The following MAD1L1 variants were observed in gnomAD, a reference collection of about 807,000 sequenced individuals.
MAD1L1 encodes mitotic spindle assembly checkpoint protein MAD1.
A neutral mutation model predicts 96.9 loss-of-function variants in MAD1L1; 95 were observed. That is an observed-to-expected ratio of 0.98 (90% CI 0.83 to 1.16). The LOEUF is 1.16. Ranked by LOEUF, MAD1L1 falls within the 50% of genes most tolerant of loss-of-function variation. MAD1L1 has a pLI of 0.00. For missense variants in MAD1L1, 1,007 were observed against 954.4 expected, an observed-to-expected ratio of 1.06 and a Z score of -0.73; for synonymous variants, 473 against 396.6, an observed-to-expected ratio of 1.19 and a Z score of -2.29.
At chr7:2,164,136 G>A (rs191219415) in intron 10 of MAD1L1, among the ~76,000 whole-genome samples, 30 of 152,296 alleles carry the variant, frequency 2.0e-4, no homozygotes, top group African/African-American at 6.5e-4. Flanking sequence ...TAGGTTACTT[G>A]TATAACGAAC....
At chr7:1,985,788 TGCCCCCTAC>T (rs1781112318) in intron 14 of MAD1L1, among the ~76,000 whole-genome samples, 2 of 1,268 alleles carry the variant, frequency 1.6e-3, no homozygotes, top group Non-Finnish European at 5.7e-3. Context: ...CTTCCTGTAC[TGCCCCCTAC>T]TGCCCCCTCT....
rs138736553 is a variant in MAD1L1 at position 1,883,375 on chromosome 7, G to A, written c.1998+14825C>T. 1.3e-4 allele frequency among the ~76,000 whole-genome samples: 20 copies of A among 152,256 alleles called. No individual in the cohort carries two copies. In the East Asian group the frequency reaches 3.7e-3, roughly 28 times the overall value. The stretch of plus-strand genomic sequence containing the variant: ...TAACACCAAACTGTGACTCACAAAC[G>A]GCCCCGGGGATGAGCTCCCTTTCCA... On this transcript the variant is annotated intron_variant, in intron 18 of 18. Coordinates refer to ENST00000265854, the MANE Select transcript of MAD1L1 (RefSeq NM_001013836.2).
chr7:1,887,320 T>C (rs1465465283), intron 18 of MAD1L1, among the ~76,000 whole-genome samples: 6 of 151,942 alleles, frequency 3.9e-5, no homozygotes, highest in South Asian at 2.1e-4. Flanking sequence ...TGTGCATGCA[T>C]GCGCATGCGT....
chr7:2,042,232 C>T (rs910911475), intron 12 of MAD1L1, among the ~76,000 whole-genome samples: 3 of 147,838 alleles, frequency 2.0e-5, no homozygotes, highest in Non-Finnish European at 4.5e-5. Context: ...CACACACAAG[C>T]GCATGCGCAC....
chr7:1,969,099 G>C (rs1780297958), intron 15 of MAD1L1, among the ~76,000 whole-genome samples: 1 of 152,134 alleles, frequency 6.6e-6, no homozygotes, highest in African/African-American at 2.4e-5. Flanking sequence ...AAAATCGACT[G>C]TTGGCCAGGT....
At chr7:2,216,042 A>G (rs1239319936) in intron 8 of MAD1L1, 43 bp from the exon 9 acceptor site, 2 of 1,612,072 alleles carry the variant, frequency 1.2e-6, no homozygotes, top group Admixed American at 3.3e-5. Context: ...CACACACCCT[A>G]GGGATAAGGC....
rs555640440 is a variant in MAD1L1 at position 1,917,659 on chromosome 7, G to A, written c.1807+19028C>T. Among the ~76,000 whole-genome samples, 81 of 152,342 alleles carry A rather than the reference G, an allele frequency of 5.3e-4. 1 individual carries two copies. In the South Asian group the frequency reaches 7.9e-3, roughly 15 times the overall value. On this transcript the variant is annotated intron_variant, in intron 17 of 18. Coordinates refer to ENST00000265854, the MANE Select transcript of MAD1L1 (RefSeq NM_001013836.2). ...AGAAAGAGGAGAGAAGAAGGGTGTC[G>A]CGGCGACGGAGCTGCTTGCCACGGC...
At chr7:1,849,148 GCACA>G (rs375598850) in intron 18 of MAD1L1, 1 of 88,368 alleles carries the variant, frequency 1.1e-5, no homozygotes, top group Non-Finnish European at 2.4e-5. Flanking sequence ...GTACACACAT[GCACA>G]CACACACACG....
At chr7:1,894,240 G>T (rs972903042) in intron 18 of MAD1L1, among the ~76,000 whole-genome samples, 1 of 152,212 alleles carries the variant, frequency 6.6e-6, no homozygotes, top group South Asian at 2.1e-4. Context: ...CCAAGGGGGA[G>T]GATTTCTCAG....
chr7:1,913,869 G>A (rs1210073516), intron 17 of MAD1L1, among the ~76,000 whole-genome samples: 3 of 152,140 alleles, frequency 2.0e-5, no homozygotes, highest in Non-Finnish European at 4.4e-5. Flanking sequence ...TGCAGGAAAC[G>A]CCACAGACTC....
chr7:1,845,048 G>T (rs1040350619), intron 18 of MAD1L1, among the ~76,000 whole-genome samples: 1 of 152,224 alleles, frequency 6.6e-6, no homozygotes, highest in African/African-American at 2.4e-5. Context: ...TGCAGCCAAG[G>T]CCCCACCTGG....
chr7:2,010,854 A>T (rs934529191), intron 13 of MAD1L1, among the ~76,000 whole-genome samples: 1 of 152,146 alleles, frequency 6.6e-6, no homozygotes, highest in Admixed American at 6.5e-5. Flanking sequence ...GCAAGCTTCC[A>T]GGGAAGGCTT....
At chr7:2,043,073 T>G (rs1291965778) in intron 12 of MAD1L1, among the ~76,000 whole-genome samples, 1 of 152,172 alleles carries the variant, frequency 6.6e-6, no homozygotes, top group Admixed American at 6.5e-5. Context: ...ATCTCTTTAT[T>G]TATAAAATTG....
intron 11 of MAD1L1, among the ~76,000 whole-genome samples, chr7:2,094,339 C>T (rs1305043559): frequency 3.3e-5 from 5 of 152,222 alleles, no homozygotes; most frequent in Admixed American, 3.3e-4. Context: ...CACTCACCCA[C>T]ACTCTCGACA....
intron 13 of MAD1L1, among the ~76,000 whole-genome samples, chr7:2,007,745 A>G (rs1782099183): frequency 1.3e-5 from 2 of 152,128 alleles, no homozygotes; most frequent in South Asian, 4.2e-4. Flanking sequence ...AGGAATGAAA[A>G]CCTGCATTCA....
At position 2,058,630 on chromosome 7, in the gene MAD1L1, G is replaced by A. The variant is rs867973254; in HGVS notation, c.1218+10564C>T. Among the ~76,000 whole-genome samples the A allele has an allele frequency of 1.5e-3, 78 of 53,112 alleles. 1 individual carries two copies. Among genetic ancestry groups the A allele is most frequent in the Non-Finnish European group, 2.3e-3 (62 of 27,356 alleles). The allele number at this position is 53,112 out of a possible 152,430, so 34.8% of individuals were successfully genotyped here. The stretch of plus-strand genomic sequence containing the variant: ...GGGGCTAGAGTGGGAGTGTGGCCAG[G>A]GGAGAGGCGCAGGGCTGGAGAGGGA... On this transcript the variant is annotated intron_variant, in intron 12 of 18. Coordinates refer to ENST00000265854, the MANE Select transcript of MAD1L1 (RefSeq NM_001013836.2).
intron 13 of MAD1L1, among the ~76,000 whole-genome samples, chr7:2,005,629 T>C (rs1395424892): frequency 6.6e-5 from 10 of 152,048 alleles, no homozygotes; most frequent in African/African-American, 2.4e-4. Context: ...ACAGAGATCC[T>C]GTTTCTATAA....
At chr7:2,073,427 G>A (rs13227446) in intron 11 of MAD1L1, among the ~76,000 whole-genome samples, 28,067 of 152,156 alleles carry the variant, frequency 0.18, 3,030 homozygotes, top group Middle Eastern at 0.35. Context: ...ACGATCGTCA[G>A]TCACCTCTTG....
At chr7:1,884,465 G>C (rs1275854156) in intron 18 of MAD1L1, among the ~76,000 whole-genome samples, 1 of 152,216 alleles carries the variant, frequency 6.6e-6, no homozygotes, top group East Asian at 1.9e-4. Context: ...AGCAACGTTG[G>C]GTCAGGGGCC....
Sources: gnomAD v4.1 joint callset for allele counts (sites outside exome capture counted in the v4.1 genomes callset) on GRCh38, gnomAD v4.1.1 for gene constraint, MANE v1.5 for transcripts, NCBI Gene and HGNC (gene_info 2026-07-23, HGNC 2026-07-21) for gene names.